Variants in PTPN13 observed in about 807,000 individuals in gnomAD.
The protein encoded by PTPN13 is protein tyrosine phosphatase non-receptor type 13, also known as tyrosine-protein phosphatase non-receptor type 13.
A neutral mutation model predicts 284.0 loss-of-function variants in PTPN13; 191 were observed. That is an observed-to-expected ratio of 0.67 (90% CI 0.60 to 0.76). The LOEUF (loss-of-function observed/expected upper bound fraction) is 0.76. Ranked by LOEUF, PTPN13 falls within the 30% of genes least tolerant of loss-of-function variation. The probability of loss-of-function intolerance (pLI) is 0.00; values close to 1 mark genes in which losing one functional copy is unlikely to be tolerated. For synonymous variants in PTPN13, 986 were observed against 1,022.3 expected, an observed-to-expected ratio of 0.96 and a Z score of 0.68; for missense variants, 2,797 against 2,939.9, an observed-to-expected ratio of 0.95 and a Z score of 1.12.
chr4:86,730,199 G>A (rs1322696858), intron 10 of PTPN13, among the ~76,000 whole-genome samples: 1 of 149,620 alleles, frequency 6.7e-6, no homozygotes, highest in Non-Finnish European at 1.5e-5. Context: ...TCCTCTGGAA[G>A]TTTTATCCCA....
At position 86,772,957 on chromosome 4, in the gene PTPN13, T is replaced by G. The variant is rs765562707; in HGVS notation, c.5348T>G (p.Leu1783Arg). 3.8e-6 allele frequency: 6 copies of G among 1,566,570 alleles called. No individual in the cohort carries two copies. In the East Asian group the frequency reaches 1.4e-4, roughly 36 times the overall value. Reference protein sequence around the residue: ...DLENHLEDFELEVELLITLIK... With the variant: ...DLENHLEDFEREVELLITLIK... ...GAAAATCACCTTGAAGACTTTGAAC[T>G]GGTAAGTTGTTTTCTCTATATTTAA... is the stretch of plus-strand genomic sequence containing the variant. Residue 1783 changes from leucine to arginine, a missense_variant and splice_region_variant, in exon 32 of 48, where the codon CTG (leucine) becomes CGG (arginine). Leu to Arg is a moderately radical substitution (Grantham distance 102, BLOSUM62 -2). Transcript: ENST00000411767.
At chr4:86,603,410 A>G (rs981241782) in intron 1 of PTPN13, among the ~76,000 whole-genome samples, 2 of 152,184 alleles carry the variant, frequency 1.3e-5, no homozygotes, top group Admixed American at 6.5e-5. Context: ...TTATGTTGCT[A>G]TGCTTCTGAG....
intron 3 of PTPN13, among the ~76,000 whole-genome samples, chr4:86,676,793 TG>T (rs1283320794): frequency 6.6e-6 from 1 of 152,204 alleles, no homozygotes; most frequent in African/African-American, 2.4e-5. Context: ...TCCACTCATA[TG>T]AAGTATCTAA....
chr4:86,765,451 C>A lies in PTPN13; in HGVS notation c.4206C>A (p.Pro1402=). The change falls in exon 26 of 48, where the codon CCC becomes CCA. Residue 1402 remains proline (P), a synonymous_variant. Transcript: ENST00000411767. The stretch of plus-strand genomic sequence containing the variant: ...GCATTTATGTGAAAGCTGTTATTCC[C>A]CAGGGAGCAGCAGAGTCTGATGGTA... The part of the protein sequence containing the change: ...HGGIYVKAVI[P]QGAAESDGRI... The A allele has an allele frequency of 6.2e-7, 1 of 1,600,252 alleles. No homozygotes were observed. The highest frequency in any genetic ancestry group is 2.3e-5 in the East Asian group (1 of 44,376).
intron 41 of PTPN13, among the ~76,000 whole-genome samples, chr4:86,797,371 A>T (rs1389460641): frequency 6.6e-6 from 1 of 152,004 alleles, no homozygotes; most frequent in African/African-American, 2.4e-5. Flanking sequence ...ACATGCCTGT[A>T]ATCCCAGCTA....
At chr4:86,629,583 G>GT (rs907584112) in intron 1 of PTPN13, among the ~76,000 whole-genome samples, 3 of 152,018 alleles carry the variant, frequency 2.0e-5, no homozygotes, top group African/African-American at 7.2e-5. Context: ...TATCAATTTT[G>GT]TTTTTCTAAT....
At position 86,645,482 on chromosome 4, in the gene PTPN13, C is replaced by A. The variant is rs561837389; in HGVS notation, c.115+10111C>A. Among the ~76,000 whole-genome samples, 48 of 151,964 alleles carry A rather than the reference C, an allele frequency of 3.2e-4. 1 individual carries two copies. The highest frequency in any genetic ancestry group is 1.1e-3 in the African/African-American group (46 of 41,440). ...TCTATGTAGAAAATTTGATAGAATC[C>A]AGAAAAGCCACTTGAACTCATAGAT... On this transcript the variant is annotated intron_variant, in intron 2 of 47. Coordinates refer to ENST00000411767, the MANE Select transcript of PTPN13 (RefSeq NM_080683.3).
chr4:86,601,635 T>G (rs1168725329), intron 1 of PTPN13, among the ~76,000 whole-genome samples: 2 of 152,200 alleles, frequency 1.3e-5, no homozygotes, highest in Non-Finnish European at 2.9e-5. Context: ...AGATTTCACC[T>G]GAATCTTTTT....
intron 1 of PTPN13, among the ~76,000 whole-genome samples, chr4:86,610,468 A>G (rs1229305557): frequency 1.3e-5 from 2 of 152,368 alleles, no homozygotes; most frequent in East Asian, 1.9e-4. Flanking sequence ...AAGTGTCACT[A>G]GCCTAAATGC....
chr4:86,746,719 G>A (rs1418259240), intron 17 of PTPN13, among the ~76,000 whole-genome samples: 1 of 151,670 alleles, frequency 6.6e-6, no homozygotes. Flanking sequence ...TGCAACATTC[G>A]CCTTCTGGTT....
intron 1 of PTPN13, among the ~76,000 whole-genome samples, chr4:86,621,796 CTAGA>C: frequency 6.6e-6 from 1 of 152,102 alleles, no homozygotes; most frequent in South Asian, 2.1e-4. Flanking sequence ...TAAAGTGAGG[CTAGA>C]TATTTTTCTT....
chr4:86,701,689 A>G lies in PTPN13; in HGVS notation c.1083A>G (p.Pro361=), dbSNP rs1731184974. The G allele has an allele frequency of 6.2e-7, 1 of 1,613,952 alleles. No individual in the cohort carries two copies. The highest frequency in any genetic ancestry group is 8.5e-7 in the Non-Finnish European group (1 of 1,179,828). ...LDIFGPQKMD[P]IYHTRELPTS... ...TCTTTGGCCCTCAGAAAATGGATCC[A>G]ATATATCACACTCGAGAATTGCCCA... is the stretch of plus-strand genomic sequence containing the variant. The change falls in exon 7 of 48, where the codon CCA becomes CCG. Residue 361 remains proline (P), a synonymous_variant. Transcript: ENST00000411767.
intron 45 of PTPN13, 129 bp downstream of exon 45, chr4:86,808,026 T>G: frequency 2.6e-6 from 2 of 765,134 alleles, no homozygotes; most frequent in Non-Finnish European, 4.2e-6. Context: ...TCCCATGCAA[T>G]GGAACTAATG....
chr4:86,679,302 C>T (rs1242425043), intron 3 of PTPN13, among the ~76,000 whole-genome samples: 1 of 152,196 alleles, frequency 6.6e-6, no homozygotes, highest in Non-Finnish European at 1.5e-5. Context: ...CTGTGTACTT[C>T]TCACATGTCA....
At chr4:86,767,318 T>C (rs1232488525) in intron 27 of PTPN13, among the ~76,000 whole-genome samples, 1 of 151,088 alleles carries the variant, frequency 6.6e-6, no homozygotes, top group Non-Finnish European at 1.5e-5. Flanking sequence ...TGACCTCGGC[T>C]CATTGCAACC....
chr4:86,649,588 G>T (rs186876591), intron 2 of PTPN13, among the ~76,000 whole-genome samples: 3 of 152,154 alleles, frequency 2.0e-5, no homozygotes, highest in Non-Finnish European at 4.4e-5. Flanking sequence ...TTGTCTATAT[G>T]TCTGTTTCTA....
At chr4:86,619,614 T>G (rs1272360797) in intron 1 of PTPN13, among the ~76,000 whole-genome samples, 1 of 152,218 alleles carries the variant, frequency 6.6e-6, no homozygotes, top group African/African-American at 2.4e-5. Flanking sequence ...TCTATATTTC[T>G]AAATGTTTTC....
chr4:86,728,287 T>C lies in PTPN13; in HGVS notation c.1609-4113T>C, dbSNP rs185283168. 1.6e-3 allele frequency among the ~76,000 whole-genome samples: 241 copies of C among 149,684 alleles called. 13 individuals carry two copies. Among genetic ancestry groups the C allele is most frequent in the African/African-American group, 5.5e-3 (226 of 41,078 alleles). ...GATGTGGTGCTGAGAAGAATGTACA[T>C]TCTGTTGATTTGGGGTGGTGAGTTC... On this transcript the variant is annotated intron_variant, in intron 10 of 47. Coordinates refer to ENST00000411767, the MANE Select transcript of PTPN13 (RefSeq NM_080683.3).
At chr4:86,797,054 A>G (rs1279028130) in intron 41 of PTPN13, 125 bp downstream of exon 41, 1 of 716,946 alleles carries the variant, frequency 1.4e-6, no homozygotes, top group Non-Finnish European at 2.2e-6. Flanking sequence ...ATGGTTGAAT[A>G]TTAAGAATTT....
Sources: gnomAD v4.1 joint callset for allele counts (sites outside exome capture counted in the v4.1 genomes callset) on GRCh38, gnomAD v4.1.1 for gene constraint, MANE v1.5 for transcripts, NCBI Gene and HGNC (gene_info 2026-07-23, HGNC 2026-07-21) for gene names.